The following TMEFF2 variants were observed in gnomAD, a reference collection of about 807,000 sequenced individuals.
The protein encoded by TMEFF2 is transmembrane protein with EGF like and two follistatin like domains 2, also known as tomoregulin-2.
TMEFF2 carries 28 observed loss-of-function variants against 53.8 expected under a neutral mutation model. The observed-to-expected ratio is 0.52, with a 90% CI of 0.39 to 0.71. TMEFF2 has a LOEUF of 0.71. Among genes scored for constraint, TMEFF2 ranks in the 30% least tolerant of loss-of-function variants. The pLI is 0.00. For missense variants in TMEFF2, 353 were observed against 455.2 expected, an observed-to-expected ratio of 0.78 and a Z score of 2.04; for synonymous variants, 162 against 166.3, an observed-to-expected ratio of 0.97 and a Z score of 0.20.
intron 5 of TMEFF2, among the ~76,000 whole-genome samples, chr2:192,014,047 T>C (rs1170248452): frequency 1.3e-5 from 2 of 152,254 alleles, no homozygotes; most frequent in African/African-American, 4.8e-5. Flanking sequence ...AGTTCATTTA[T>C]ACATATGATA....
chr2:192,147,380 T>C (rs1690278327), intron 4 of TMEFF2, among the ~76,000 whole-genome samples: 1 of 152,096 alleles, frequency 6.6e-6, no homozygotes, highest in Non-Finnish European at 1.5e-5. Context: ...GTGCATAATG[T>C]GCAGGTTTGT....
At chr2:192,075,292 T>TATATAA (rs1553518758) in intron 4 of TMEFF2, among the ~76,000 whole-genome samples, 7 of 28,400 alleles carry the variant, frequency 2.5e-4, no homozygotes, top group African/African-American at 1.0e-3. Context: ...CTATTATATA[T>TATATAA]ATATATATAT....
intron 5 of TMEFF2, among the ~76,000 whole-genome samples, chr2:192,025,563 A>G (rs1686952190): frequency 6.6e-6 from 1 of 152,226 alleles, no homozygotes; most frequent in Admixed American, 6.5e-5. Flanking sequence ...TTTCTGCTTC[A>G]GCATATTATC....
In TMEFF2 at chr2:191,956,285, T is replaced by C. The variant is rs1294960462; in HGVS notation, c.839A>G (p.His280Arg). 8 of 1,613,718 alleles carry C rather than the reference T, an allele frequency of 5.0e-6. No individual in the cohort carries two copies. Among genetic ancestry groups the C allele is most frequent in the African/African-American group, 4.0e-5 (3 of 74,912 alleles). Residue 280 changes from histidine (H) to arginine (R), a missense_variant, in exon 8 of 10, where the codon CAT (histidine) becomes CGT (arginine). His to Arg is a conservative substitution (Grantham distance 29). Coordinates refer to ENST00000272771, the MANE Select transcript of TMEFF2 (RefSeq NM_016192.4). ...AGATGGCTCCTGCATATTGATAGAA[T>C]GCTCACACTTCCCATGCATGCAGAA... is the stretch of plus-strand genomic sequence containing the variant. ...NGFCMHGKCE[H>R]SINMQEPSCR...
At chr2:192,012,767 G>C (rs1686660871) in intron 5 of TMEFF2, among the ~76,000 whole-genome samples, 1 of 152,008 alleles carries the variant, frequency 6.6e-6, no homozygotes, top group Admixed American at 6.6e-5. Flanking sequence ...CATACTCATA[G>C]ATTACAGAGT....
chr2:192,154,332 A>G (rs932745741), intron 4 of TMEFF2, among the ~76,000 whole-genome samples: 1 of 152,000 alleles, frequency 6.6e-6, no homozygotes, highest in Non-Finnish European at 1.5e-5. Flanking sequence ...TATAAGAGAG[A>G]GGACGCTCTG....
intron 4 of TMEFF2, among the ~76,000 whole-genome samples, chr2:192,086,113 T>C (rs575207174): frequency 6.6e-6 from 1 of 152,252 alleles, no homozygotes; most frequent in Admixed American, 6.5e-5. Flanking sequence ...CGGCCATTAA[T>C]GATATTAGGG....
intron 5 of TMEFF2, among the ~76,000 whole-genome samples, chr2:192,042,200 C>CAAA (rs35728678): frequency 3.6e-4 from 50 of 139,506 alleles, no homozygotes; most frequent in African/African-American, 1.1e-3. Context: ...GACTCTGTCT[C>CAAA]AAAAAAAAAA....
chr2:192,113,769 T>A lies in TMEFF2; in HGVS notation c.440-55994A>T, dbSNP rs144831560. Reference sequence around the variant, plus strand: ...GTTGCTCAAAAGCAGGTGAGAGTAATAGTAGCTAACAGTTGCTGGGTACTT... The same window carrying A: ...GTTGCTCAAAAGCAGGTGAGAGTAAAAGTAGCTAACAGTTGCTGGGTACTT... On this transcript the variant is annotated intron_variant, in intron 4 of 9. Transcript: ENST00000272771. 1.5e-3 allele frequency among the ~76,000 whole-genome samples: 235 copies of A among 152,258 alleles called. 2 individuals are homozygous for A. The highest frequency in any genetic ancestry group is 1.8e-3 in the Non-Finnish European group (121 of 68,006).
intron 5 of TMEFF2, among the ~76,000 whole-genome samples, chr2:192,017,551 T>C (rs1686770088): frequency 1.3e-5 from 2 of 152,238 alleles, no homozygotes; most frequent in Non-Finnish European, 2.9e-5. Flanking sequence ...TTCTCACTTG[T>C]TGTGTTACCA....
intron 4 of TMEFF2, among the ~76,000 whole-genome samples, chr2:192,133,809 G>A (rs1249812364): frequency 2.6e-5 from 4 of 152,186 alleles, no homozygotes; most frequent in African/African-American, 7.2e-5. Context: ...CATTACTTCA[G>A]TCAAGCCCAA....
chr2:192,159,428 T>C (rs975264123), intron 4 of TMEFF2, among the ~76,000 whole-genome samples: 3 of 152,162 alleles, frequency 2.0e-5, no homozygotes, highest in Non-Finnish European at 4.4e-5. Flanking sequence ...TCAACATGAC[T>C]CATCTTTATG....
intron 1 of TMEFF2, among the ~76,000 whole-genome samples, chr2:192,193,798 A>AGAGAGAGAGAGAGAGG (rs1559167269): frequency 2.1e-4 from 29 of 139,884 alleles, no homozygotes; most frequent in African/African-American, 7.0e-4. Context: ...AGAGAGAGAG[A>AGAGAGAGAGAGAGAGG]GAGAGAGAGA....
intron 2 of TMEFF2, among the ~76,000 whole-genome samples, chr2:192,189,283 C>T (rs1447887938): frequency 1.3e-5 from 2 of 151,972 alleles, no homozygotes; most frequent in Admixed American, 1.3e-4. Context: ...GTGGCTCACA[C>T]CTGTAATCCT....
At chr2:192,091,662 A>G (rs988055156) in intron 4 of TMEFF2, among the ~76,000 whole-genome samples, 2 of 151,988 alleles carry the variant, frequency 1.3e-5, no homozygotes, top group Non-Finnish European at 2.9e-5. Flanking sequence ...TGGTTTTATT[A>G]CGTCACTTTA....
At chr2:192,138,926 A>G (rs34506215) in intron 4 of TMEFF2, among the ~76,000 whole-genome samples, 55,566 of 152,024 alleles carry the variant, frequency 0.37, 12,719 homozygotes, top group East Asian at 0.78. Context: ...GGGGGGTTCA[A>G]TGGGCAGAAA....
intron 4 of TMEFF2, among the ~76,000 whole-genome samples, chr2:192,138,645 C>T (rs1377704496): frequency 1.3e-5 from 2 of 152,194 alleles, no homozygotes; most frequent in Admixed American, 1.3e-4. Flanking sequence ...TAATAGAAAG[C>T]ATTTGAAATT....
chr2:191,952,383 A>G (rs1691912474), intron 9 of TMEFF2, among the ~76,000 whole-genome samples: 1 of 152,226 alleles, frequency 6.6e-6, no homozygotes, highest in Non-Finnish European at 1.5e-5. Flanking sequence ...TGTTGAGATT[A>G]TATCCATTAA....
intron 2 of TMEFF2, 129 bp downstream of exon 2, chr2:192,191,751 C>T (rs1691465881): frequency 1.6e-6 from 1 of 622,594 alleles, no homozygotes; most frequent in Non-Finnish European, 2.8e-6. Context: ...CTTGCTAGTA[C>T]TTTTGCTTGG....
Sources: allele counts gnomAD v4.1 joint callset (sites outside exome capture counted in the v4.1 genomes callset), GRCh38; gene constraint gnomAD v4.1.1; transcripts MANE v1.5; gene names NCBI Gene and HGNC (gene_info 2026-07-23, HGNC 2026-07-21).